The following ADAMTS7 variants were observed in gnomAD, a reference collection of about 807,000 sequenced individuals.
ADAMTS7 encodes the protein A disintegrin and metalloproteinase with thrombospondin motifs 7.
A neutral mutation model predicts 172.6 loss-of-function variants in ADAMTS7; 89 were observed. That is an observed-to-expected ratio of 0.52 (90% CI 0.43 to 0.61). ADAMTS7 has a LOEUF of 0.61. Among genes scored for constraint, ADAMTS7 ranks in the 20% least tolerant of loss-of-function variants. The pLI is 0.00. For missense variants in ADAMTS7, 1,973 were observed against 2,355.6 expected, an observed-to-expected ratio of 0.84 and a Z score of 3.36; for synonymous variants, 885 against 978.4, an observed-to-expected ratio of 0.90 and a Z score of 1.78.
intron 1 of ADAMTS7, among the ~76,000 whole-genome samples, chr15:78,804,323 G>A (rs2055762085): frequency 6.6e-6 from 1 of 152,172 alleles, no homozygotes; most frequent in South Asian, 2.1e-4. Context: ...GGGGTTGGGG[G>A]AGCTCTGGCA....
chr15:78,805,376 C>T (rs1183296595), intron 1 of ADAMTS7, among the ~76,000 whole-genome samples: 1 of 152,238 alleles, frequency 6.6e-6, no homozygotes, highest in East Asian at 1.9e-4. Flanking sequence ...TCTCAATTTT[C>T]AGCTTTTCTT....
At chr15:78,806,564 T>C (rs2055801000) in intron 1 of ADAMTS7, among the ~76,000 whole-genome samples, 1 of 152,042 alleles carries the variant, frequency 6.6e-6, no homozygotes, top group Non-Finnish European at 1.5e-5. Flanking sequence ...TCACTGCATA[T>C]CTCTGGGTTT....
At chr15:78,773,489 G>A (rs988174922) in intron 13 of ADAMTS7, among the ~76,000 whole-genome samples, 15 of 151,726 alleles carry the variant, frequency 9.9e-5, no homozygotes, top group African/African-American at 3.6e-4. Flanking sequence ...AAGCCTGCGG[G>A]CAGGCAGGGG....
At chr15:78,762,023 A>G in intron 23 of ADAMTS7, 1 of 985,324 alleles carries the variant, frequency 1.0e-6, no homozygotes, top group Non-Finnish European at 1.2e-6. Flanking sequence ...ACAGGGACTC[A>G]CCCAGGCCCA....
intron 6 of ADAMTS7, among the ~76,000 whole-genome samples, chr15:78,790,454 A>G (rs2055562744): frequency 6.6e-6 from 1 of 152,204 alleles, no homozygotes; most frequent in Non-Finnish European, 1.5e-5. Flanking sequence ...CCCTCTCTCT[A>G]TTATTTCTGA....
chr15:78,771,949 T>C lies in ADAMTS7; in HGVS notation c.2132-120A>G. The C allele has an allele frequency of 7.1e-7, 1 of 1,417,452 alleles. No individual in the cohort carries two copies. The highest frequency in any genetic ancestry group is 9.4e-7 in the Non-Finnish European group (1 of 1,060,420). 87.8% of individuals were successfully genotyped at this position (1,417,452 alleles called of 1,614,324 possible). On this transcript the variant is annotated intron_variant, in intron 14 of 23. Coordinates refer to ENST00000388820, the MANE Select transcript of ADAMTS7 (RefSeq NM_014272.5). This position sits in a 1 kb window ranked among gnomAD's most constrained non-coding sequence, Gnocchi z 4.9. ...CTGCTGATGCCAAAGCTTTAAAGTCTGAGCTCCCTAAATTGCTCGGATCTG... is the reference window on the plus strand; with the variant it reads ...CTGCTGATGCCAAAGCTTTAAAGTCCGAGCTCCCTAAATTGCTCGGATCTG...
At chr15:78,794,972 C>T (rs1567235284) in intron 4 of ADAMTS7, among the ~76,000 whole-genome samples, 1 of 152,208 alleles carries the variant, frequency 6.6e-6, no homozygotes, top group South Asian at 2.1e-4. Context: ...CCACCTTGGC[C>T]TCTCAAAGCG....
intron 20 of ADAMTS7, 98 bp from the exon 21 acceptor site, chr15:78,764,197 C>T: frequency 2.1e-6 from 3 of 1,408,442 alleles, no homozygotes; most frequent in Non-Finnish European, 2.8e-6. Flanking sequence ...AGGCCCACGC[C>T]CCAGCCCGGG....
chr15:78,790,794 C>G lies in ADAMTS7; in HGVS notation c.904G>C (p.Glu302Gln). Residue 302 changes from glutamate (E) to glutamine (Q), a missense_variant and splice_region_variant, in exon 6 of 24, where the codon GAG becomes CAG. Around this residue, in one of 8 missense-constraint regions of ADAMTS7, gnomAD observed 526 missense variants for 662.9 expected, o/e 0.79. Transcript: ENST00000388820. Reference protein sequence around the residue: ...VRLVLLEDEEEDLKITHHADN... With the variant: ...VRLVLLEDEEQDLKITHHADN... Reference sequence around the variant, plus strand: ...GCATGGTGCGTGATCTTTAGGTCCTCCTGGGGGCAGAGAGAGTGACTGCTC... The same window carrying G: ...GCATGGTGCGTGATCTTTAGGTCCTGCTGGGGGCAGAGAGAGTGACTGCTC... 3.1e-6 allele frequency: 5 copies of G among 1,613,412 alleles called. No homozygotes were observed. The highest frequency in any genetic ancestry group is 4.2e-6 in the Non-Finnish European group (5 of 1,179,860).
At chr15:78,765,329 G>A (rs1209169821) in intron 19 of ADAMTS7, among the ~76,000 whole-genome samples, 1 of 152,270 alleles carries the variant, frequency 6.6e-6, no homozygotes, top group Admixed American at 6.5e-5. Flanking sequence ...TCCAGCCTCA[G>A]GGAAGCTGCT....
At chr15:78,762,711 C>G (rs868832800) in intron 22 of ADAMTS7, 146 bp from the exon 23 acceptor site, 103 of 572,736 alleles carry the variant, frequency 1.8e-4, no homozygotes, top group African/African-American at 1.3e-3. Context: ...CCTCCTGGAG[C>G]ACCTGGTCCC....
intron 8 of ADAMTS7, among the ~76,000 whole-genome samples, chr15:78,787,752 T>C (rs570667899): frequency 5.9e-5 from 9 of 152,304 alleles, no homozygotes; most frequent in African/African-American, 2.2e-4. Context: ...TTCAGTTCCC[T>C]TAATGGCCCC....
chr15:78,760,150 T>A (rs139294628), intron 23 of ADAMTS7, among the ~76,000 whole-genome samples: 2,264 of 149,374 alleles, frequency 0.015, 102 homozygotes, highest in Admixed American at 0.072. Flanking sequence ...AAGCCTAGAG[T>A]GAGTGGGCCT....
chr15:78,765,766 G>A lies in ADAMTS7; in HGVS notation c.4145C>T (p.Pro1382Leu). The change falls in exon 19 of 24, where the codon CCC becomes CTC. Residue 1382 changes from proline to leucine, a missense_variant. Coordinates refer to ENST00000388820, the MANE Select transcript of ADAMTS7 (RefSeq NM_014272.5). ...RLLSTPAWDS[P>L]ANSHRVPETQ... ...CTCAGGGACTCTGTGGCTGTTGGCG[G>A]GGCTGTCCCAAGCTGGTGTGGACAG... 1 of 1,609,806 alleles carries A rather than the reference G, an allele frequency of 6.2e-7. No individual in the cohort carries two copies.
chr15:78,809,095 TATGCACAGAAACAC>T (rs1413263098), intron 1 of ADAMTS7, among the ~76,000 whole-genome samples: 21 of 152,122 alleles, frequency 1.4e-4, no homozygotes, highest in Non-Finnish European at 2.1e-4. Context: ...TGAGTTCTAG[TATGCACAGAAACAC>T]ATGCACACAG....
At chr15:78,783,034 T>TTTCCCACTTGGATGCC (rs2141499457) in intron 8 of ADAMTS7, among the ~76,000 whole-genome samples, 1 of 152,210 alleles carries the variant, frequency 6.6e-6, no homozygotes, top group African/African-American at 2.4e-5. Context: ...CACGCCAAGC[T>TTTCCCACTTGGATGCC]GGAATGCTGC....
In ADAMTS7 at chr15:78,771,317, C is replaced by A. The variant is rs752143333; in HGVS notation, c.2377-14G>T. ...CTGGAACAGCAGCTGGGTGGGCAGG[C>A]GGGGGCCCATGAGCACAAGGTGTCT... On this transcript the variant is annotated splice_polypyrimidine_tract_variant and intron_variant, in intron 15 of 23. Transcript: ENST00000388820. The surrounding 1 kb of genome is among the most constrained non-coding windows in gnomAD (Gnocchi z 4.9). 8 of 1,611,718 alleles carry A rather than the reference C, an allele frequency of 5.0e-6. No individual in the cohort carries two copies. The Admixed American group carries it at 6.7e-5, about 13-fold the overall frequency.
chr15:78,762,292 A>G, intron 23 of ADAMTS7, 111 bp downstream of exon 23: 1 of 1,242,904 alleles, frequency 8.0e-7, no homozygotes. Flanking sequence ...AGCCCAGACT[A>G]CAGATGGAAC....
intron 10 of ADAMTS7, 103 bp from the exon 11 acceptor site, chr15:78,776,436 G>A (rs2055347188): frequency 1.4e-6 from 2 of 1,462,376 alleles, no homozygotes. Context: ...AAGGCACAGA[G>A]GGGAAGGATG....
Sources: allele counts gnomAD v4.1 joint callset (sites outside exome capture counted in the v4.1 genomes callset), GRCh38; gene constraint gnomAD v4.1.1; regional missense constraint gnomAD v4.1.1; non-coding constraint Gnocchi (gnomAD v3.1); transcripts MANE v1.5; gene names NCBI Gene and HGNC (gene_info 2026-07-23, HGNC 2026-07-21).